The following ANKRD13C variants were observed in gnomAD, a reference collection of about 807,000 sequenced individuals.
The protein encoded by ANKRD13C is ankyrin repeat domain 13C, also known as ankyrin repeat domain-containing protein 13C.
In ANKRD13C, 16 loss-of-function variants were observed where a neutral mutation model predicts 65.5. The ratio of observed to expected loss-of-function variants is 0.24; its 90% confidence interval spans 0.17 to 0.37. ANKRD13C has a LOEUF of 0.37. Among genes scored for constraint, ANKRD13C ranks in the 10% least tolerant of loss-of-function variants. The pLI, the probability that ANKRD13C is intolerant of heterozygous loss-of-function variation, is 1.00. For missense variants in ANKRD13C, 503 were observed against 655.9 expected, an observed-to-expected ratio of 0.77 and a Z score of 2.55; for synonymous variants, 235 against 238.7, an observed-to-expected ratio of 0.98 and a Z score of 0.14.
chr1:70,342,458 A>C (rs1682350236), intron 1 of ANKRD13C, among the ~76,000 whole-genome samples: 1 of 152,108 alleles, frequency 6.6e-6, no homozygotes, highest in African/African-American at 2.4e-5. Flanking sequence ...GAATCGCTTG[A>C]ACCCGGGAGG....
intron 6 of ANKRD13C, among the ~76,000 whole-genome samples, 200 bp from the exon 7 acceptor site, chr1:70,301,108 TATA>T (rs1480223433): frequency 6.6e-6 from 1 of 152,024 alleles, no homozygotes; most frequent in Non-Finnish European, 1.5e-5. Context: ...TACTTAAAGA[TATA>T]ATCCATTTTA....
chr1:70,270,810 C>T (rs1411367622), intron 12 of ANKRD13C, 46 bp downstream of exon 12: 6 of 1,309,134 alleles, frequency 4.6e-6, no homozygotes, highest in Non-Finnish European at 6.5e-6. Flanking sequence ...TAAACAGCTC[C>T]ATATTCCTAA....
rs1409389755 is a variant in ANKRD13C at position 70,315,537 on chromosome 1, G to T, written c.607C>A (p.Gln203Lys). Residue 203 changes from glutamine (Q) to lysine (K), a missense_variant, in exon 4 of 13, where the codon CAA (glutamine) becomes AAA (lysine). By Grantham distance (53) the Gln-to-Lys change is moderately conservative. Around this residue, in one of 2 missense-constraint regions of ANKRD13C, gnomAD observed 300 missense variants for 478.3 expected, o/e 0.63. Coordinates refer to ENST00000370944, the MANE Select transcript of ANKRD13C (RefSeq NM_030816.5). The part of the protein sequence containing the change: ...ITALLRKLKQ[Q>K]SRESVEEKRP... ...TTTTCTTCAACACTTTCCCTGGATT[G>T]CTGCTTAAGCTTCCTCAAAAGAGCT... The T allele has an allele frequency of 6.2e-7, 1 of 1,608,096 alleles. No homozygotes were observed. Among genetic ancestry groups the T allele is most frequent in the Non-Finnish European group, 8.5e-7 (1 of 1,177,098 alleles).
chr1:70,278,087 G>A (rs1679218636), intron 9 of ANKRD13C, among the ~76,000 whole-genome samples: 1 of 151,718 alleles, frequency 6.6e-6, no homozygotes, highest in Non-Finnish European at 1.5e-5. Flanking sequence ...TGCTTGAAAA[G>A]CTGAGGCGGG....
intron 9 of ANKRD13C, among the ~76,000 whole-genome samples, chr1:70,289,682 T>C (rs1194166285): frequency 6.6e-6 from 1 of 151,592 alleles, no homozygotes; most frequent in Admixed American, 6.6e-5. Context: ...TTCACCATGT[T>C]AGCCAGGATG....
chr1:70,293,544 C>T (rs1679950936), intron 8 of ANKRD13C: 1 of 985,052 alleles, frequency 1.0e-6, no homozygotes, highest in South Asian at 4.7e-5. Context: ...GCTTCAAGAG[C>T]TTTGAGCTGC....
Position 70,276,858 on chromosome 1 carries a change from A to G in ANKRD13C, c.1216-14T>C, listed in dbSNP as rs541083941. On this transcript the variant is annotated splice_polypyrimidine_tract_variant and intron_variant, in intron 9 of 12. Coordinates refer to ENST00000370944, the MANE Select transcript of ANKRD13C (RefSeq NM_030816.5). ...TCTTCGAATCGGCTGCCAAAAAAAA[A>G]AAAGAAAGAAAGTGGGGTGGGGGAG... 6 of 1,581,092 alleles carry G rather than the reference A, an allele frequency of 3.8e-6. No homozygotes were observed. Among genetic ancestry groups the G allele is most frequent in the African/African-American group, 2.7e-5 (2 of 72,768 alleles).
At chr1:70,293,407 G>GTT in intron 8 of ANKRD13C, 2 of 202,966 alleles carry the variant, frequency 9.9e-6, no homozygotes, top group African/African-American at 4.7e-5. Flanking sequence ...CATGTTCAGA[G>GTT]TTGTGTTCCA....
intron 11 of ANKRD13C, among the ~76,000 whole-genome samples, chr1:70,274,473 C>CAAAA (rs769480539): frequency 0.013 from 438 of 33,656 alleles, no homozygotes; most frequent in Non-Finnish European, 0.021. Flanking sequence ...GACTCCATCT[C>CAAAA]AAAAAAAAAA....
At chr1:70,290,482 A>G (rs1679815131) in intron 9 of ANKRD13C, among the ~76,000 whole-genome samples, 1 of 151,400 alleles carries the variant, frequency 6.6e-6, no homozygotes, top group African/African-American at 2.4e-5. Context: ...TCTTGAAACT[A>G]TTGTTTCATG....
intron 1 of ANKRD13C, among the ~76,000 whole-genome samples, chr1:70,338,403 T>TG (rs1682152535): frequency 2.0e-5 from 3 of 151,928 alleles, no homozygotes; most frequent in Admixed American, 6.6e-5. Flanking sequence ...AAGAACAATT[T>TG]TTGTGTGTGT....
chr1:70,270,754 G>A (rs754614519), intron 12 of ANKRD13C, 102 bp downstream of exon 12: 11 of 727,964 alleles, frequency 1.5e-5, no homozygotes, highest in Non-Finnish European at 2.5e-5. Context: ...ACCAACAGAG[G>A]TGTTGGGGAC....
chr1:70,273,655 C>T (rs1013110581), intron 11 of ANKRD13C, among the ~76,000 whole-genome samples: 2 of 151,880 alleles, frequency 1.3e-5, no homozygotes, highest in East Asian at 1.9e-4. Flanking sequence ...CTTCAAGACA[C>T]ACTCATTTTT....
chr1:70,274,473 CA>C (rs769480539), intron 11 of ANKRD13C, among the ~76,000 whole-genome samples: 1,509 of 38,708 alleles, frequency 0.039, 9 homozygotes, highest in African/African-American at 0.06. Flanking sequence ...GACTCCATCT[CA>C]AAAAAAAAAA....
At chr1:70,292,976 TA>T (rs1679923609) in intron 8 of ANKRD13C, among the ~76,000 whole-genome samples, 2 of 152,026 alleles carry the variant, frequency 1.3e-5, no homozygotes, top group African/African-American at 4.8e-5. Flanking sequence ...AAAAGTGGAA[TA>T]AAAAGAAATA....
chr1:70,278,948 C>G (rs888850268), intron 9 of ANKRD13C, among the ~76,000 whole-genome samples: 4 of 152,056 alleles, frequency 2.6e-5, no homozygotes, highest in African/African-American at 9.7e-5. Context: ...TGCCTATAAT[C>G]CTGGCACTTT....
chr1:70,284,615 A>G (rs1679538275), intron 9 of ANKRD13C, among the ~76,000 whole-genome samples: 1 of 152,228 alleles, frequency 6.6e-6, no homozygotes, highest in African/African-American at 2.4e-5. Flanking sequence ...CAGCAAGAAC[A>G]GGCTTGCAGT....
intron 1 of ANKRD13C, among the ~76,000 whole-genome samples, chr1:70,350,486 G>A (rs534832845): frequency 6.6e-6 from 1 of 152,222 alleles, no homozygotes; most frequent in South Asian, 2.1e-4. Flanking sequence ...CTATCATGTG[G>A]ACAAAGTAGC....
chr1:70,271,071 G>A (rs778428294), intron 11 of ANKRD13C, 115 bp from the exon 12 acceptor site: 5 of 619,636 alleles, frequency 8.1e-6, no homozygotes, highest in Non-Finnish European at 1.4e-5. Context: ...AGATACTAAG[G>A]ATGAGTAAAT....
Sources: allele counts gnomAD v4.1 joint callset (sites outside exome capture counted in the v4.1 genomes callset), GRCh38; gene constraint gnomAD v4.1.1; regional missense constraint gnomAD v4.1.1; transcripts MANE v1.5; gene names NCBI Gene and HGNC (gene_info 2026-07-23, HGNC 2026-07-21).